Variants in CD99 observed in about 807,000 individuals in gnomAD.
The protein encoded by CD99 is CD99 molecule (Xg blood group).
Under a neutral mutation model 28.4 loss-of-function variants are expected in CD99, and 19 were observed. The observed-to-expected ratio is 0.67, with a 90% CI of 0.47 to 0.98. The LOEUF (loss-of-function observed/expected upper bound fraction) is 0.98, where lower values mean the gene tolerates loss of function less well. Among genes scored for constraint, CD99 ranks in the 50% least tolerant of loss-of-function variants. The pLI is 0.00. For missense variants in CD99, 283 were observed against 248.8 expected (o/e 1.14, Z -0.92); for synonymous variants, 103 against 92.1 (o/e 1.12, Z -0.67).
At chrX:2,691,507 G>T (rs1201434509) in intron 1 of CD99, 80 bp downstream of exon 1, 1 of 1,450,296 alleles carries the variant, frequency 6.9e-7, no homozygotes, top group East Asian at 2.5e-5. Context: ...ATGCGGCGTT[G>T]GGGGCGCCCC....
chrX:2,691,890 G>A (rs905542254), intron 1 of CD99: 2 of 779,336 alleles, frequency 2.6e-6, no homozygotes, highest in Non-Finnish European at 2.4e-6. Context: ...ATCGCTAGGA[G>A]CCTGAGACCC....
chrX:2,738,583 A>T (rs1420805392), intron 9 of CD99, among the ~76,000 whole-genome samples: 2 of 151,848 alleles, frequency 1.3e-5, no homozygotes, highest in African/African-American at 2.4e-5. Flanking sequence ...AAATTAGCTG[A>T]GTGTGGTGGT....
intron 1 of CD99, among the ~76,000 whole-genome samples, chrX:2,705,628 A>T (rs2048077029): frequency 6.6e-6 from 1 of 152,024 alleles, no homozygotes; most frequent in South Asian, 2.1e-4. Flanking sequence ...GGGCTCCTTT[A>T]GTCGTTTTCA....
Position 2,711,782 on chromosome X carries a change from G to A in CD99, c.68-2640G>A, listed in dbSNP as rs1254130211. Among the ~76,000 whole-genome samples the A allele has an allele frequency of 3.3e-5, 5 of 152,308 alleles. No individual in the cohort carries two copies. The East Asian group carries it at 7.7e-4, about 23-fold the overall frequency. On this transcript the variant is annotated intron_variant, in intron 1 of 9. Coordinates refer to ENST00000381192, the MANE Select transcript of CD99 (RefSeq NM_002414.5). ...TGGCTGGGTGCGGTGGCTCATGCCT[G>A]TCATCCTAGCACTTTGGGAGGCTGA...
intron 5 of CD99, 107 bp downstream of exon 5, chrX:2,720,531 C>G: frequency 9.9e-7 from 1 of 1,012,290 alleles, no homozygotes. Context: ...TTACTGTTGA[C>G]TGCCTGTGCA....
Position 2,723,403 on chromosome X carries a change from G to A in CD99, c.361+39G>A, listed in dbSNP as rs772861423. The A allele has an allele frequency of 2.5e-5, 40 of 1,608,654 alleles. No individual in the cohort carries two copies. In the East Asian group the frequency reaches 3.3e-4, roughly 13 times the overall value. On this transcript the variant is annotated intron_variant, in intron 7 of 9. Transcript: ENST00000381192. Reference sequence around the variant, plus strand: ...GCTTCTGTCTTCTTGTCTCTCCCACGTGGTGTTGAGAAGGGGAAGCAGAAT... The same window carrying A: ...GCTTCTGTCTTCTTGTCTCTCCCACATGGTGTTGAGAAGGGGAAGCAGAAT...
intron 2 of CD99, chrX:2,715,471 C>CGTGGGGCCTCCTCCTCT (rs2048653696): frequency 6.6e-6 from 1 of 152,384 alleles, no homozygotes; most frequent in Non-Finnish European, 1.5e-5. Context: ...CCTCCTTCTC[C>CGTGGGGCCTCCTCCTCT]GTGGGGCCTC....
intron 6 of CD99, 67 bp from the exon 7 acceptor site, chrX:2,723,247 G>A (rs906443338): frequency 1.2e-4 from 191 of 1,530,170 alleles, no homozygotes; most frequent in Non-Finnish European, 1.5e-4. Context: ...GCCTCTTCAC[G>A]GTCCTGGCTG....
intron 1 of CD99, among the ~76,000 whole-genome samples, chrX:2,692,501 A>ATT (rs1309236929): frequency 6.6e-6 from 1 of 152,090 alleles, no homozygotes; most frequent in Non-Finnish European, 1.5e-5. Context: ...TTGCTAATGG[A>ATT]TTTACACCCT....
chrX:2,715,762 A>C (rs1324827050), intron 2 of CD99, among the ~76,000 whole-genome samples: 2 of 152,116 alleles, frequency 1.3e-5, no homozygotes, highest in Admixed American at 1.3e-4. Flanking sequence ...TGAGGGCTTC[A>C]CGTGTCCCTG....
intron 8 of CD99, chrX:2,733,686 GTTTTAA>G: frequency 2.2e-6 from 1 of 457,782 alleles, no homozygotes; most frequent in South Asian, 3.7e-5. Flanking sequence ...TGACTTCCAT[GTTTTAA>G]TGAGTTTTGT....
At chrX:2,701,018 C>T (rs1248229009) in intron 1 of CD99, among the ~76,000 whole-genome samples, 1 of 151,478 alleles carries the variant, frequency 6.6e-6, no homozygotes, top group East Asian at 1.9e-4. Flanking sequence ...TGCATTCATC[C>T]ATCCATCCAC....
intron 2 of CD99, among the ~76,000 whole-genome samples, chrX:2,716,051 C>G (rs1233415520): frequency 1.4e-5 from 2 of 147,832 alleles, no homozygotes; most frequent in East Asian, 2.0e-4. Context: ...TGGAGTCTCT[C>G]TCTGTCACCC....
chrX:2,725,404 A>G (rs539832973), intron 7 of CD99, among the ~76,000 whole-genome samples: 7 of 152,126 alleles, frequency 4.6e-5, no homozygotes, highest in South Asian at 4.1e-4. Flanking sequence ...TCTCAAAATA[A>G]TACACAATAA....
At chrX:2,711,501 C>A (rs2124536162) in intron 1 of CD99, among the ~76,000 whole-genome samples, 1 of 151,706 alleles carries the variant, frequency 6.6e-6, no homozygotes, top group South Asian at 2.1e-4. Context: ...AAGAGACACT[C>A]CCCTCCCATG....
At chrX:2,693,038 G>A (rs2047404347) in intron 1 of CD99, among the ~76,000 whole-genome samples, 1 of 152,196 alleles carries the variant, frequency 6.6e-6, no homozygotes, top group Non-Finnish European at 1.5e-5. Flanking sequence ...GGACAGATTT[G>A]CCGGCTGGTC....
At chrX:2,717,386 T>C (rs937587073) in intron 2 of CD99, 15 of 548,978 alleles carry the variant, frequency 2.7e-5, no homozygotes, top group Middle Eastern at 5.0e-4. Flanking sequence ...GGGCTCCTGG[T>C]CTCTGTGGAA....
intron 8 of CD99, among the ~76,000 whole-genome samples, chrX:2,726,738 T>C (rs1188220800): frequency 1.3e-5 from 2 of 152,102 alleles, no homozygotes; most frequent in Non-Finnish European, 2.9e-5. Flanking sequence ...GACACTTAGC[T>C]CTGATCATTC....
intron 1 of CD99, among the ~76,000 whole-genome samples, chrX:2,707,496 C>A (rs867254881): frequency 6.6e-6 from 1 of 151,600 alleles, no homozygotes; most frequent in Non-Finnish European, 1.5e-5. Context: ...ACTCTGGGTT[C>A]GTCCTGTTTT....
Sources: gnomAD v4.1 joint callset for allele counts (sites outside exome capture counted in the v4.1 genomes callset) on GRCh38, gnomAD v4.1.1 for gene constraint, MANE v1.5 for transcripts, NCBI Gene and HGNC (gene_info 2026-07-23, HGNC 2026-07-21) for gene names.